The following DLGAP2 variants were observed in gnomAD, a reference collection of about 807,000 sequenced individuals.
The protein encoded by DLGAP2 is disks large-associated protein 2.
DLGAP2 carries 26 observed loss-of-function variants against 100.3 expected under a neutral mutation model. The observed-to-expected ratio is 0.26, with a 90% CI of 0.19 to 0.36. The LOEUF (loss-of-function observed/expected upper bound fraction) is 0.36, where lower values mean the gene tolerates loss of function less well. Ranked by LOEUF, DLGAP2 falls within the 10% of genes least tolerant of loss-of-function variation. The pLI is 1.00. For synonymous variants in DLGAP2, 886 were observed against 630.1 expected (o/e 1.41, Z -6.08); for missense variants, 1,858 against 1,453.2 (o/e 1.28, Z -4.53).
At chr8:1,682,617 G>GCTGA (rs1244197100) in intron 12 of DLGAP2, among the ~76,000 whole-genome samples, 4 of 151,622 alleles carry the variant, frequency 2.6e-5, no homozygotes, top group South Asian at 2.1e-4. Context: ...TGGGACTACA[G>GCTGA]ACACGCACCA....
chr8:1,668,006 G>A (rs558445355), intron 8 of DLGAP2, among the ~76,000 whole-genome samples: 1 of 150,972 alleles, frequency 6.6e-6, no homozygotes, highest in Non-Finnish European at 1.5e-5. Flanking sequence ...CTGAGGGGAC[G>A]CACGTTGCCT....
At chr8:1,458,740 C>G (rs1204204987) in intron 3 of DLGAP2, among the ~76,000 whole-genome samples, 1 of 152,226 alleles carries the variant, frequency 6.6e-6, no homozygotes, top group East Asian at 1.9e-4. Context: ...TCAGGACCCA[C>G]CTAGGATGTG....
chr8:1,522,319 C>T (rs965618799), intron 4 of DLGAP2, among the ~76,000 whole-genome samples: 1 of 152,182 alleles, frequency 6.6e-6, no homozygotes. Context: ...TGAAATATGC[C>T]TTGTGGTAGT....
At chr8:1,383,801 C>A (rs889331497) in intron 3 of DLGAP2, among the ~76,000 whole-genome samples, 1 of 152,178 alleles carries the variant, frequency 6.6e-6, no homozygotes, top group East Asian at 1.9e-4. Context: ...GTCAGATGAC[C>A]ACCAGCAGCT....
chr8:896,303 T>A (rs1209954529), intron 1 of DLGAP2, among the ~76,000 whole-genome samples: 1 of 151,434 alleles, frequency 6.6e-6, no homozygotes, highest in Non-Finnish European at 1.5e-5. Context: ...GGGATGCAGG[T>A]TTGGAGGAGA....
At chr8:1,588,292 C>G (rs905556001) in intron 6 of DLGAP2, among the ~76,000 whole-genome samples, 1 of 151,934 alleles carries the variant, frequency 6.6e-6, no homozygotes, top group Non-Finnish European at 1.5e-5. Context: ...AGAGAATGTA[C>G]TGAATGAAGA....
chr8:1,179,798 G>T (rs1797341459), intron 2 of DLGAP2, among the ~76,000 whole-genome samples: 1 of 152,158 alleles, frequency 6.6e-6, no homozygotes, highest in African/African-American at 2.4e-5. Context: ...ATATTTTAGG[G>T]TTCACGGCAT....
chr8:1,629,105 A>T (rs1352166608), intron 7 of DLGAP2, among the ~76,000 whole-genome samples: 1 of 152,216 alleles, frequency 6.6e-6, no homozygotes, highest in Admixed American at 6.5e-5. Flanking sequence ...CAGTAAGCAC[A>T]AGTCTTTCTT....
At chr8:1,532,996 A>C (rs1389193829) in intron 4 of DLGAP2, among the ~76,000 whole-genome samples, 1 of 152,022 alleles carries the variant, frequency 6.6e-6, no homozygotes, top group Non-Finnish European at 1.5e-5. Context: ...ACTTCTGTCT[A>C]CTCTCCTTGC....
intron 2 of DLGAP2, among the ~76,000 whole-genome samples, chr8:1,212,132 A>G (rs1232732182): frequency 6.6e-6 from 1 of 152,222 alleles, no homozygotes. Flanking sequence ...GAATGTGCAG[A>G]AAAAGAAATG....
rs570176466 is a variant in DLGAP2, at chr8:1,449,575, G to A, written c.107-51791G>A. On this transcript the variant is annotated intron_variant, in intron 3 of 14. Coordinates refer to ENST00000637795, the MANE Select transcript of DLGAP2 (RefSeq NM_001346810.2). ...TGAGTCCTGTCTGCACCCAGACCCCGTTCCTGAGCTCCAGGGTGGGCCTGG... is the reference window on the plus strand; with the variant it reads ...TGAGTCCTGTCTGCACCCAGACCCCATTCCTGAGCTCCAGGGTGGGCCTGG... Among the ~76,000 whole-genome samples the A allele has an allele frequency of 3.9e-3, 588 of 152,288 alleles. 5 individuals carry two copies. Among genetic ancestry groups the A allele is most frequent in the Non-Finnish European group, 5.3e-3 (361 of 68,034 alleles).
intron 2 of DLGAP2, among the ~76,000 whole-genome samples, chr8:1,212,731 C>G (rs975067267): frequency 1.3e-5 from 2 of 151,566 alleles, no homozygotes; most frequent in African/African-American, 4.9e-5. Flanking sequence ...TTTCCAGTAC[C>G]TTTTTGCCAA....
chr8:1,278,610 A>G (rs921816236), intron 3 of DLGAP2, among the ~76,000 whole-genome samples: 2 of 152,244 alleles, frequency 1.3e-5, no homozygotes, highest in African/African-American at 4.8e-5. Flanking sequence ...AGTCAAGCCA[A>G]GGACATATTG....
At chr8:844,710 T>C (rs1206450601) in intron 1 of DLGAP2, among the ~76,000 whole-genome samples, 2 of 152,242 alleles carry the variant, frequency 1.3e-5, no homozygotes, top group East Asian at 3.8e-4. Flanking sequence ...AATGTTATCT[T>C]TTATTAACAA....
intron 4 of DLGAP2, among the ~76,000 whole-genome samples, chr8:1,539,372 A>T (rs576793827): frequency 6.6e-6 from 1 of 152,166 alleles, no homozygotes; most frequent in Admixed American, 6.5e-5. Context: ...GAAGAGGAAA[A>T]CAGGTTACCA....
chr8:1,465,759 A>C (rs2130176616), intron 3 of DLGAP2, among the ~76,000 whole-genome samples: 1 of 152,300 alleles, frequency 6.6e-6, no homozygotes, highest in Admixed American at 6.5e-5. Context: ...CAAGGGTGGA[A>C]ACTAGCAAGG....
rs549143241 is a variant in DLGAP2 at position 788,955 on chromosome 8, C to G, written c.18+51130C>G. On this transcript the variant is annotated intron_variant, in intron 1 of 14. Coordinates refer to ENST00000637795, the MANE Select transcript of DLGAP2 (RefSeq NM_001346810.2). ...GTTCCTGTGCCCTCAACCGTCAACA[C>G]CAGAGCCAGCAGGAACCCTATTTGC... Among the ~76,000 whole-genome samples the G allele has an allele frequency of 2.8e-4, 42 of 152,336 alleles. 1 individual carries two copies. In the South Asian group the frequency reaches 3.5e-3, roughly 13 times the overall value.
intron 2 of DLGAP2, among the ~76,000 whole-genome samples, chr8:1,195,572 A>T (rs1797733437): frequency 6.6e-6 from 1 of 152,216 alleles, no homozygotes; most frequent in Non-Finnish European, 1.5e-5. Context: ...GTCTTTTAAA[A>T]ACATATAATT....
intron 3 of DLGAP2, among the ~76,000 whole-genome samples, chr8:1,385,700 A>G (rs139461233): frequency 2.0e-3 from 83 of 42,544 alleles, no homozygotes; most frequent in East Asian, 3.4e-3. Context: ...TTGGTGCACA[A>G]TTACCCGGCC....
Sources: gnomAD v4.1 joint callset for allele counts (sites outside exome capture counted in the v4.1 genomes callset) on GRCh38, gnomAD v4.1.1 for gene constraint, MANE v1.5 for transcripts, NCBI Gene and HGNC (gene_info 2026-07-23, HGNC 2026-07-21) for gene names.